The following CMTM4 variants were observed in gnomAD, a reference collection of about 807,000 sequenced individuals.
The protein encoded by CMTM4 is CKLF-like MARVEL transmembrane domain-containing protein 4.
In CMTM4, 8 loss-of-function variants were observed where a neutral mutation model predicts 19.0. That is an observed-to-expected ratio of 0.42 (90% CI 0.25 to 0.76). The LOEUF (loss-of-function observed/expected upper bound fraction) is 0.76, where lower values mean the gene tolerates loss of function less well. Among genes scored for constraint, CMTM4 ranks in the 30% least tolerant of loss-of-function variants. The probability of loss-of-function intolerance (pLI) is 0.27; values close to 1 mark genes in which losing one functional copy is unlikely to be tolerated. For missense variants in CMTM4, 228 were observed against 290.2 expected (o/e 0.79, Z 1.56); for synonymous variants, 106 against 121.1 (o/e 0.88, Z 0.82).
At chr16:66,643,213 A>T (rs777964480) in intron 1 of CMTM4, among the ~76,000 whole-genome samples, 2 of 152,156 alleles carry the variant, frequency 1.3e-5, no homozygotes, top group Admixed American at 1.3e-4. Context: ...GAGCCACTGC[A>T]CCCAGCCACA....
Position 66,621,410 on chromosome 16 carries a change from G to A in CMTM4, c.*648C>T, listed in dbSNP as rs943337461. 1 of 985,916 alleles carries A rather than the reference G, an allele frequency of 1.0e-6. No individual in the cohort carries two copies. Among genetic ancestry groups the A allele is most frequent in the Non-Finnish European group, 1.2e-6 (1 of 829,952 alleles). 61.1% of individuals were successfully genotyped at this position (985,916 alleles called of 1,614,324 possible). On this transcript the variant is annotated 3_prime_UTR_variant, in exon 4 of 4. Coordinates refer to ENST00000394106, the MANE Select transcript of CMTM4 (RefSeq NM_181521.3). The stretch of plus-strand genomic sequence containing the variant: ...CCATATTCCTGGAGAAGAATCTGGG[G>A]TTCAGGAAGGTGATTCATTTGAGGA...
chr16:66,625,894 A>G (rs2144788224), intron 2 of CMTM4, among the ~76,000 whole-genome samples: 1 of 152,366 alleles, frequency 6.6e-6, no homozygotes, highest in African/African-American at 2.4e-5. Flanking sequence ...ACTAGCCACA[A>G]TTCGAGTGCT....
the CMTM4 span, among the ~76,000 whole-genome samples, chr16:66,601,465 G>C: frequency 3.9e-5 from 6 of 152,192 alleles, no homozygotes; most frequent in Admixed American, 3.9e-4. Flanking sequence ...GGCTGAGACT[G>C]GGGCTTTTAT....
chr16:66,678,637 A>T (rs1401966548), intron 1 of CMTM4, among the ~76,000 whole-genome samples: 1 of 152,182 alleles, frequency 6.6e-6, no homozygotes, highest in African/African-American at 2.4e-5. Context: ...TGGTGGAGAG[A>T]CAATTGATTC....
intron 1 of CMTM4, among the ~76,000 whole-genome samples, chr16:66,657,659 CTG>C (rs1244148442): frequency 6.6e-6 from 1 of 152,126 alleles, no homozygotes; most frequent in Non-Finnish European, 1.5e-5. Flanking sequence ...ATCTTTCAGT[CTG>C]TAATTATTTC....
chr16:66,607,178 G>C, the CMTM4 span, among the ~76,000 whole-genome samples: 1 of 152,230 alleles, frequency 6.6e-6, no homozygotes, highest in Non-Finnish European at 1.5e-5. Context: ...TGGAGCCCCA[G>C]GCTGGCCAAC....
chr16:66,642,573 G>T (rs1180579199), intron 1 of CMTM4, among the ~76,000 whole-genome samples: 2 of 152,090 alleles, frequency 1.3e-5, no homozygotes, highest in Non-Finnish European at 2.9e-5. Context: ...AAAATTAGCT[G>T]GGTGTGGTGG....
At chr16:66,611,271 G>A (rs1398278575), downstream of CMTM4, among the ~76,000 whole-genome samples, 1 of 152,034 alleles carries the variant, frequency 6.6e-6, no homozygotes, top group Non-Finnish European at 1.5e-5. Context: ...TGGCCAACAC[G>A]GTGAAACCCC....
At chr16:66,634,396 C>A (rs867763618) in intron 2 of CMTM4, among the ~76,000 whole-genome samples, 4 of 151,542 alleles carry the variant, frequency 2.6e-5, no homozygotes, top group African/African-American at 7.3e-5. Flanking sequence ...GCCGAGATCA[C>A]GCCACTGCAC....
At chr16:66,624,078 G>A (rs1436173383) in intron 2 of CMTM4, among the ~76,000 whole-genome samples, 3 of 152,182 alleles carry the variant, frequency 2.0e-5, no homozygotes, top group African/African-American at 2.4e-5. Flanking sequence ...TTGTAGAAGG[G>A]AACATAGCAG....
At chr16:66,691,461 G>A (rs1596968813) in intron 1 of CMTM4, among the ~76,000 whole-genome samples, 2 of 152,328 alleles carry the variant, frequency 1.3e-5, no homozygotes, top group African/African-American at 4.8e-5. Flanking sequence ...AGCACTTTGG[G>A]AAGCCGAAGA....
At chr16:66,684,610 A>AC (rs1218337847) in intron 1 of CMTM4, among the ~76,000 whole-genome samples, 1 of 151,730 alleles carries the variant, frequency 6.6e-6, no homozygotes, top group African/African-American at 2.4e-5. Context: ...AAGCCTGAAC[A>AC]CCCCCCAACC....
the CMTM4 span, among the ~76,000 whole-genome samples, chr16:66,602,875 C>A: frequency 2.6e-5 from 4 of 152,196 alleles, no homozygotes; most frequent in Non-Finnish European, 4.4e-5. Flanking sequence ...TTAGTACTTC[C>A]CGTTCACTCA....
Position 66,616,006 on chromosome 16 carries a change from AAG to A in CMTM4, c.*6050_*6051del, listed in dbSNP as rs1331339596. On this transcript the variant is annotated 3_prime_UTR_variant, in exon 4 of 4. Coordinates refer to ENST00000394106, the MANE Select transcript of CMTM4 (RefSeq NM_181521.3). ...GCAGGAGAAGCAGCAGCAGAGAGGAAAGAGGAATAGCCAGGGAATTTTTTTTG... is the reference window on the plus strand; with the variant it reads ...GCAGGAGAAGCAGCAGCAGAGAGGAAAGGAATAGCCAGGGAATTTTTTTTG... The A allele has an allele frequency of 6.6e-6, 1 of 152,154 alleles. No individual in the cohort carries two copies. Among genetic ancestry groups the A allele is most frequent in the African/African-American group, 2.4e-5 (1 of 41,450 alleles). The allele number at this position is 152,154 out of a possible 1,614,324, so 9.4% of individuals were successfully genotyped here. A position where few individuals can be genotyped will look rare whatever the true frequency, so the allele number is the denominator to read the frequency against.
intron 1 of CMTM4, among the ~76,000 whole-genome samples, chr16:66,661,490 A>C (rs2016497874): frequency 6.6e-6 from 1 of 152,200 alleles, no homozygotes; most frequent in African/African-American, 2.4e-5. Context: ...CTTTTCTATA[A>C]TGCTCTGTTT....
chr16:66,664,503 C>T (rs1433068479), intron 1 of CMTM4, among the ~76,000 whole-genome samples: 1 of 151,930 alleles, frequency 6.6e-6, no homozygotes, highest in Non-Finnish European at 1.5e-5. Context: ...TATTTGACAA[C>T]GAAAACAAAG....
chr16:66,639,824 C>G (rs546227589), intron 1 of CMTM4, among the ~76,000 whole-genome samples: 1 of 152,214 alleles, frequency 6.6e-6, no homozygotes, highest in East Asian at 1.9e-4. Context: ...TCCAGACCAG[C>G]ATGGCCAACA....
In CMTM4 at chr16:66,675,545, C is replaced by G. The variant is rs539636351; in HGVS notation, c.186+20795G>C. 7.2e-5 allele frequency among the ~76,000 whole-genome samples: 11 copies of G among 151,860 alleles called. No individual in the cohort carries two copies. In the South Asian group the frequency reaches 2.1e-3, roughly 29 times the overall value. On this transcript the variant is annotated intron_variant, in intron 1 of 3. Transcript: ENST00000394106. Reference sequence around the variant, plus strand: ...AGGAGAAGTTCTGCAGACCCCTGGCCCTGCTGGGCTCCCTGCGACCTAGCA... The same window carrying G: ...AGGAGAAGTTCTGCAGACCCCTGGCGCTGCTGGGCTCCCTGCGACCTAGCA...
chr16:66,599,674 T>C, the CMTM4 span, among the ~76,000 whole-genome samples: 1 of 152,184 alleles, frequency 6.6e-6, no homozygotes, highest in Non-Finnish European at 1.5e-5. Flanking sequence ...AAGATACTTT[T>C]TAAAATGAGG....
Sources: gnomAD v4.1 joint callset for allele counts (sites outside exome capture counted in the v4.1 genomes callset) on GRCh38, gnomAD v4.1.1 for gene constraint, MANE v1.5 for transcripts, NCBI Gene and HGNC (gene_info 2026-07-23, HGNC 2026-07-21) for gene names.